SUN3: variants seen among roughly 807,000 people sequenced by gnomAD.
SUN3 encodes Sad1 and UNC84 domain containing 3.
A neutral mutation model predicts 48.2 loss-of-function variants in SUN3; 36 were observed. That is an observed-to-expected ratio of 0.75 (90% CI 0.57 to 0.99). The LOEUF is 0.99. Ranked by LOEUF, SUN3 falls within the 50% of genes least tolerant of loss-of-function variation. The pLI is 0.00. For missense variants in SUN3, 419 were observed against 433.1 expected (o/e 0.97, Z 0.29); for synonymous variants, 148 against 147.9 (o/e 1.00, Z 0.00).
At chr7:48,018,934 G>A (rs1789890935) in intron 2 of SUN3, among the ~76,000 whole-genome samples, 1 of 152,084 alleles carries the variant, frequency 6.6e-6, no homozygotes, top group Non-Finnish European at 1.5e-5. Flanking sequence ...AGAACTACAG[G>A]AAACCAGGAA....
At chr7:47,993,172 A>T (rs1000140707) in intron 8 of SUN3, among the ~76,000 whole-genome samples, 2 of 152,246 alleles carry the variant, frequency 1.3e-5, no homozygotes, top group Non-Finnish European at 1.5e-5. Context: ...AGCTCAACTG[A>T]GAGCTGTTTT....
intron 6 of SUN3, among the ~76,000 whole-genome samples, chr7:48,002,152 T>TC (rs1491207872): frequency 1.8e-4 from 1 of 5,454 alleles, no homozygotes; most frequent in Admixed American, 2.8e-3. Context: ...TGCATTTCTC[T>TC]TTTTTTTTTT....
At chr7:48,020,678 T>A (rs2128782218) in intron 2 of SUN3, among the ~76,000 whole-genome samples, 1 of 152,096 alleles carries the variant, frequency 6.6e-6, no homozygotes, top group East Asian at 1.9e-4. Flanking sequence ...AATAAAGTAA[T>A]CTCATTTACA....
intron 3 of SUN3, among the ~76,000 whole-genome samples, chr7:48,014,919 T>C (rs1009278361): frequency 2.0e-5 from 3 of 152,180 alleles, no homozygotes; most frequent in Admixed American, 6.5e-5. Flanking sequence ...TCTTGGGGAA[T>C]CTCATTCTTT....
At position 47,994,360 on chromosome 7, in the gene SUN3, A is replaced by G. The variant is rs777869710; in HGVS notation, c.816T>C (p.Ser272=). 7 of 1,613,550 alleles carry G rather than the reference A, an allele frequency of 4.3e-6. No individual in the cohort carries two copies. The African/African-American group carries it at 8.0e-5, about 18-fold the overall frequency. The change falls in exon 8 of 10, where the codon TCT becomes TCC. Residue 272 remains serine, a synonymous_variant. Coordinates refer to ENST00000297325, the MANE Select transcript of SUN3 (RefSeq NM_001030019.2). ...VTMEHISEKV[S]PSGNISSAPK... is the part of the protein sequence containing the mutation. Reference sequence around the variant, plus strand: ...GTGCACTGGAGATGTTTCCTGACGGAGACACCTTCTCTGAGATGTGCTCCA... The same window carrying G: ...GTGCACTGGAGATGTTTCCTGACGGGGACACCTTCTCTGAGATGTGCTCCA...
chr7:48,007,471 C>A, intron 4 of SUN3, 144 bp from the exon 5 acceptor site: 1 of 717,476 alleles, frequency 1.4e-6, no homozygotes, highest in Non-Finnish European at 2.2e-6. Flanking sequence ...CAGAGCATGC[C>A]CATTTCTCTA....
chr7:47,995,945 C>T (rs1789199529), intron 7 of SUN3, 86 bp downstream of exon 7: 2 of 803,226 alleles, frequency 2.5e-6, no homozygotes, highest in Non-Finnish European at 3.9e-6. Flanking sequence ...CTTATATTGC[C>T]TCCATTTTTA....
upstream of SUN3, chr7:48,029,248 G>C (rs533460757): frequency 2.5e-4 from 77 of 303,004 alleles, no homozygotes; most frequent in South Asian, 9.2e-4. Context: ...TAATACAAAG[G>C]CCCCCCCATG....
intron 2 of SUN3, among the ~76,000 whole-genome samples, chr7:48,021,017 G>A (rs1288542179): frequency 6.6e-6 from 1 of 152,118 alleles, no homozygotes; most frequent in East Asian, 1.9e-4. Context: ...CACATTACCT[G>A]ACTTCAAATT....
chr7:47,988,166 C>T (rs1284787321), intron 9 of SUN3, among the ~76,000 whole-genome samples: 1 of 152,130 alleles, frequency 6.6e-6, no homozygotes, highest in Admixed American at 6.6e-5. Flanking sequence ...TATTGTTTTA[C>T]CTTTATTTTC....
At chr7:48,028,479 CAAAAAAAAAAAAAAAAAA>C (rs55997019) in intron 1 of SUN3, among the ~76,000 whole-genome samples, 4 of 45,234 alleles carry the variant, frequency 8.8e-5, no homozygotes, top group African/African-American at 4.5e-4. Flanking sequence ...AGCCCAATGA[CAAAAAAAAAAAAAAAAAA>C]AAAAAAAAAA....
chr7:47,992,967 A>C (rs911337743), intron 8 of SUN3, among the ~76,000 whole-genome samples: 2 of 152,112 alleles, frequency 1.3e-5, no homozygotes, highest in African/African-American at 4.8e-5. Flanking sequence ...CCTGGGCAAC[A>C]TAATAAGACC....
At chr7:48,031,820 A>G (rs1253098840), upstream of SUN3, among the ~76,000 whole-genome samples, 2 of 145,048 alleles carry the variant, frequency 1.4e-5, no homozygotes, top group Admixed American at 6.9e-5. Context: ...TGGATGAATG[A>G]ATGTGATTTA....
In SUN3 at chr7:48,028,799, T is replaced by G. The variant is rs1304881720; in HGVS notation, c.122+18A>C. The G allele has an allele frequency of 7.4e-6, 12 of 1,612,716 alleles. No homozygotes were observed. In the Admixed American group the frequency reaches 2.0e-4, roughly 27 times the overall value. On this transcript the variant is annotated intron_variant, in intron 1 of 9. Transcript: ENST00000297325. The stretch of plus-strand genomic sequence containing the variant: ...AAACCTACAATTTCAGGCACACCGT[T>G]CTGCCATGTTTACCTACCCATTCGC...
At chr7:48,034,970 C>T in the SUN3 span, among the ~76,000 whole-genome samples, 29 of 152,046 alleles carry the variant, frequency 1.9e-4, no homozygotes, top group Non-Finnish European at 3.5e-4. Flanking sequence ...GAAAAAAATG[C>T]ATTAGATGAG....
chr7:48,032,868 A>G (rs1332237918), upstream of SUN3, among the ~76,000 whole-genome samples: 1 of 152,240 alleles, frequency 6.6e-6, no homozygotes, highest in Non-Finnish European at 1.5e-5. Context: ...CTGAAAGTTT[A>G]AATAAACTAG....
chr7:48,035,565 C>T, the SUN3 span: 2 of 697,880 alleles, frequency 2.9e-6, no homozygotes, highest in Non-Finnish European at 5.2e-6. The surrounding 1 kb of genome is among the most constrained non-coding windows in gnomAD (Gnocchi z 4.0). Context: ...CTGCAGCCAG[C>T]CAGCCGTGTA....
intron 8 of SUN3, among the ~76,000 whole-genome samples, chr7:47,993,580 A>T (rs1470195726): frequency 6.6e-6 from 1 of 152,250 alleles, no homozygotes; most frequent in Non-Finnish European, 1.5e-5. Flanking sequence ...ATTATAAATG[A>T]TTCAATTTAT....
Position 48,006,073 on chromosome 7 carries a change from A to T in SUN3, c.493-20T>A. 2 of 1,509,514 alleles carry T rather than the reference A, an allele frequency of 1.3e-6. No homozygotes were observed. The highest frequency in any genetic ancestry group is 1.8e-6 in the Non-Finnish European group (2 of 1,098,230). The allele number at this position is 1,509,514 out of a possible 1,614,324, so 93.5% of individuals were successfully genotyped here. On this transcript the variant is annotated intron_variant, in intron 5 of 9. Transcript: ENST00000297325. ...CACTTCCTGTAGAAATTTTATAAAC[A>T]GTTTTCTGTTAACAATCTTTGCCAA... is the stretch of plus-strand genomic sequence containing the variant.
Sources: gnomAD v4.1 joint callset for allele counts (sites outside exome capture counted in the v4.1 genomes callset) on GRCh38, gnomAD v4.1.1 for gene constraint, Gnocchi (gnomAD v3.1) non-coding constraint, MANE v1.5 for transcripts, NCBI Gene and HGNC (gene_info 2026-07-23, HGNC 2026-07-21) for gene names.